ITFG1: variants seen among roughly 807,000 people sequenced by gnomAD.
ITFG1 encodes T-cell immunomodulatory protein.
Under a neutral mutation model 81.8 loss-of-function variants are expected in ITFG1, and 34 were observed. The ratio of observed to expected loss-of-function variants is 0.42; its 90% CI spans 0.32 to 0.55. The LOEUF is 0.55. ITFG1 is among the 20% of genes least tolerant of loss of function. The pLI is 0.17. For synonymous variants in ITFG1, 285 were observed against 270.6 expected (o/e 1.05, Z -0.52); for missense variants, 672 against 755.4 (o/e 0.89, Z 1.29).
At chr16:47,207,373 C>T (rs1171705820) in intron 14 of ITFG1, among the ~76,000 whole-genome samples, 1 of 152,142 alleles carries the variant, frequency 6.6e-6, no homozygotes, top group Non-Finnish European at 1.5e-5. Flanking sequence ...CGTGAGCCAC[C>T]GCGCCCGGCC....
At chr16:47,332,411 C>T (rs1178255404) in intron 8 of ITFG1, among the ~76,000 whole-genome samples, 1 of 152,210 alleles carries the variant, frequency 6.6e-6, no homozygotes, top group South Asian at 2.1e-4. Context: ...GCTTTTACCT[C>T]TACAAGCACT....
At chr16:47,295,222 T>C (rs115414980) in intron 10 of ITFG1, among the ~76,000 whole-genome samples, 2,678 of 152,334 alleles carry the variant, frequency 0.018, 75 homozygotes, top group African/African-American at 0.06. Context: ...GGATTCAATT[T>C]GCTAGTATTA....
rs115413833 is a variant in ITFG1, at chr16:47,232,404, C to T, written c.1374+5561G>A. ...AAGGTTAACTACTGAGAACTGGAAA[C>T]TGGGAAAGTAGAAAGGGTATTAAAT... On this transcript the variant is annotated intron_variant, in intron 13 of 17. Coordinates refer to ENST00000320640, the MANE Select transcript of ITFG1 (RefSeq NM_030790.5). Among the ~76,000 whole-genome samples, 301 of 152,132 alleles carry T rather than the reference C, an allele frequency of 2.0e-3. 1 individual carries two copies. The highest frequency in any genetic ancestry group is 7.1e-3 in the African/African-American group (295 of 41,510).
intron 8 of ITFG1, among the ~76,000 whole-genome samples, chr16:47,315,963 G>A (rs1967350872): frequency 6.6e-6 from 1 of 151,910 alleles, no homozygotes; most frequent in South Asian, 2.1e-4. Context: ...GCTAACTTTT[G>A]TATATTCAGT....
chr16:47,454,616 T>A (rs1026377879), intron 2 of ITFG1, among the ~76,000 whole-genome samples: 4 of 152,114 alleles, frequency 2.6e-5, no homozygotes, highest in Non-Finnish European at 4.4e-5. Context: ...ACAGTAAAAA[T>A]TAAAAGAATC....
intron 14 of ITFG1, among the ~76,000 whole-genome samples, chr16:47,206,186 T>G (rs1965498072): frequency 6.6e-6 from 1 of 152,088 alleles, no homozygotes; most frequent in Non-Finnish European, 1.5e-5. Context: ...TATTTGATAA[T>G]AATAGTTAAT....
chr16:47,424,654 T>A (rs967368172), intron 6 of ITFG1, among the ~76,000 whole-genome samples: 4 of 152,156 alleles, frequency 2.6e-5, no homozygotes, highest in African/African-American at 9.7e-5. Context: ...ATGCTATTCC[T>A]TTCTGTTTGT....
intron 5 of ITFG1, among the ~76,000 whole-genome samples, chr16:47,434,597 G>C (rs1969141881): frequency 6.6e-6 from 1 of 152,172 alleles, no homozygotes; most frequent in Non-Finnish European, 1.5e-5. Context: ...TTACACTGTT[G>C]GTGGGAGTGT....
chr16:47,293,372 G>A (rs1966937317), intron 10 of ITFG1, among the ~76,000 whole-genome samples: 1 of 151,834 alleles, frequency 6.6e-6, no homozygotes, highest in South Asian at 2.1e-4. Context: ...TAGATATCCA[G>A]TAGTGGGATT....
chr16:47,242,994 T>G (rs1272853867), intron 12 of ITFG1, among the ~76,000 whole-genome samples: 1 of 152,160 alleles, frequency 6.6e-6, no homozygotes, highest in Non-Finnish European at 1.5e-5. Flanking sequence ...ATATGTTATA[T>G]TTCAATAAAA....
At chr16:47,183,195 G>A (rs1965156562) in intron 14 of ITFG1, among the ~76,000 whole-genome samples, 1 of 152,216 alleles carries the variant, frequency 6.6e-6, no homozygotes, top group South Asian at 2.1e-4. Flanking sequence ...CGGCAGCGAG[G>A]CTGGGGGAGG....
intron 16 of ITFG1, 31 bp from the exon 17 acceptor site, chr16:47,159,021 A>T: frequency 1.7e-6 from 2 of 1,180,584 alleles, no homozygotes; most frequent in Non-Finnish European, 2.4e-6. Flanking sequence ...AATTAAAATT[A>T]CAAATTTTAT....
Position 47,186,797 on chromosome 16 carries a change from A to G in ITFG1, c.1454-24133T>C, listed in dbSNP as rs563523740. ...AGGAGAAGGAAATAAAGGGTATTCA[A>G]TTAGGAAAAGAGGAAGTCAAATTGT... On this transcript the variant is annotated intron_variant, in intron 14 of 17. Coordinates refer to ENST00000320640, the MANE Select transcript of ITFG1 (RefSeq NM_030790.5). 1.5e-3 allele frequency among the ~76,000 whole-genome samples: 229 copies of G among 152,346 alleles called. 2 individuals carry two copies. The highest frequency in any genetic ancestry group is 5.3e-3 in the African/African-American group (220 of 41,580).
At chr16:47,443,031 C>A (rs1969274468) in intron 5 of ITFG1, among the ~76,000 whole-genome samples, 1 of 152,062 alleles carries the variant, frequency 6.6e-6, no homozygotes, top group Non-Finnish European at 1.5e-5. Context: ...CAAGAATCTA[C>A]AATGAACTCA....
At chr16:47,239,260 G>C (rs1250799315) in intron 12 of ITFG1, among the ~76,000 whole-genome samples, 8 of 152,002 alleles carry the variant, frequency 5.3e-5, no homozygotes, top group African/African-American at 1.9e-4. Flanking sequence ...GAGTGCAGTG[G>C]CACGATCTTG....
intron 14 of ITFG1, among the ~76,000 whole-genome samples, chr16:47,173,031 T>G (rs1053081272): frequency 6.6e-6 from 1 of 152,180 alleles, no homozygotes; most frequent in African/African-American, 2.4e-5. Context: ...GCTTATATAT[T>G]AGGGCCTTTG....
At chr16:47,173,867 G>A (rs1487614134) in intron 14 of ITFG1, among the ~76,000 whole-genome samples, 2 of 152,066 alleles carry the variant, frequency 1.3e-5, no homozygotes, top group East Asian at 1.9e-4. Flanking sequence ...ATGGTGGAAC[G>A]CCACCTCTAC....
intron 6 of ITFG1, among the ~76,000 whole-genome samples, chr16:47,422,248 A>G (rs1968960092): frequency 6.6e-6 from 1 of 152,212 alleles, no homozygotes; most frequent in African/African-American, 2.4e-5. Context: ...TTGAGGAATC[A>G]CCACACTGTC....
At chr16:47,365,947 G>C (rs1343739377) in intron 7 of ITFG1, 78 bp from the exon 8 acceptor site, 2 of 746,686 alleles carry the variant, frequency 2.7e-6, no homozygotes, top group East Asian at 2.5e-5. Context: ...CATTCTAACT[G>C]AACTGGGGAA....
Sources: allele counts gnomAD v4.1 joint callset (sites outside exome capture counted in the v4.1 genomes callset), GRCh38; gene constraint gnomAD v4.1.1; transcripts MANE v1.5; gene names NCBI Gene and HGNC (gene_info 2026-07-23, HGNC 2026-07-21).